TMSB15B: variants seen among roughly 807,000 people sequenced by gnomAD.
The protein encoded by TMSB15B is thymosin beta-15B.
At chrX:103,928,906 C>T (rs1301808278) in intron 1 of TMSB15B, 30 of 1,203,762 alleles carry the variant, frequency 2.5e-5, no homozygotes, top group African/African-American at 2.4e-4. Context: ...CCTGATCTAC[C>T]GTGGAGGCTC....
intron 1 of TMSB15B, among the ~76,000 whole-genome samples, chrX:103,925,849 C>A (rs568496823): frequency 5.4e-5 from 6 of 111,935 alleles, no homozygotes; most frequent in Admixed American, 2.8e-4. Flanking sequence ...AACATTATTG[C>A]GCTCTGAGGT....
In TMSB15B at chrX:103,950,494, C is replaced by A. The variant is rs782544381; in HGVS notation, c.-720-11527C>A. 2.6e-3 allele frequency among the ~76,000 whole-genome samples: 283 copies of A among 109,925 alleles called. 1 individual carries two copies. Among genetic ancestry groups the A allele is most frequent in the Non-Finnish European group, 4.5e-3 (235 of 52,722 alleles). ...TAGTCTTAGACAGGAACACTGGTTC[C>A]AACGAAGCCTTATATTGTGTATAGA... On this transcript the variant is annotated intron_variant, in intron 1 of 3. Coordinates refer to the TMSB15B transcript ENST00000419165.
chrX:103,920,234 A>G (rs2074948185), intron 1 of TMSB15B, among the ~76,000 whole-genome samples: 1 of 112,062 alleles, frequency 8.9e-6, no homozygotes, highest in Non-Finnish European at 1.9e-5. Flanking sequence ...GAATCTCTGA[A>G]TCCAGAACTC....
At chrX:103,920,998 C>G (rs2074950868) in intron 1 of TMSB15B, among the ~76,000 whole-genome samples, 1 of 112,406 alleles carries the variant, frequency 8.9e-6, no homozygotes, top group South Asian at 3.7e-4. Context: ...GGGGCCTGTT[C>G]TTGACTCCTG....
At chrX:103,952,883 T>C (rs1383800119) in intron 1 of TMSB15B, among the ~76,000 whole-genome samples, 2 of 111,521 alleles carry the variant, frequency 1.8e-5, no homozygotes, top group African/African-American at 6.5e-5. Flanking sequence ...TTCGCTGTGC[T>C]CAGAAGTCAC....
At chrX:103,926,799 T>G (rs1556318900) in intron 1 of TMSB15B, among the ~76,000 whole-genome samples, 1 of 109,875 alleles carries the variant, frequency 9.1e-6, no homozygotes, top group African/African-American at 3.3e-5. Context: ...GTGGGAAACC[T>G]GTGGGTCTGC....
chrX:103,935,843 G>GTTTT (rs1165751386), intron 1 of TMSB15B, among the ~76,000 whole-genome samples: 11 of 80,171 alleles, frequency 1.4e-4, no homozygotes, highest in African/African-American at 2.8e-4. Flanking sequence ...CATAGGAGTT[G>GTTTT]TTTTTTTTTT....
At chrX:103,954,818 C>T (rs1405479360) in intron 1 of TMSB15B, among the ~76,000 whole-genome samples, 14 of 111,802 alleles carry the variant, frequency 1.3e-4, no homozygotes, top group African/African-American at 4.6e-4. Flanking sequence ...CCAGCAGTGG[C>T]CCCCTGCTCC....
At chrX:103,951,081 C>G (rs1258508848) in intron 1 of TMSB15B, among the ~76,000 whole-genome samples, 30 of 112,097 alleles carry the variant, frequency 2.7e-4, no homozygotes, top group Admixed American at 1.2e-3. Flanking sequence ...CTCCCTGTGT[C>G]TTCACATGGC....
At chrX:103,927,801 C>T (rs782715687) in intron 1 of TMSB15B, among the ~76,000 whole-genome samples, 7 of 110,251 alleles carry the variant, frequency 6.3e-5, no homozygotes, top group Admixed American at 1.9e-4. Context: ...TCAAGTAATC[C>T]TTCTTTGAAT....
intron 1 of TMSB15B, among the ~76,000 whole-genome samples, chrX:103,952,620 G>A (rs145037528): frequency 1.1e-3 from 121 of 111,516 alleles, no homozygotes; most frequent in African/African-American, 3.8e-3. Flanking sequence ...GAGGGGACGT[G>A]GACACAACCT....
chrX:103,930,376 C>T (rs1415365270), intron 1 of TMSB15B, among the ~76,000 whole-genome samples: 1 of 111,343 alleles, frequency 9.0e-6, no homozygotes. Context: ...CTGTGATGCC[C>T]CTTTCTAACA....
At chrX:103,950,732 T>A (rs1398240771) in intron 1 of TMSB15B, among the ~76,000 whole-genome samples, 1 of 110,276 alleles carries the variant, frequency 9.1e-6, no homozygotes, top group Non-Finnish European at 1.9e-5. Flanking sequence ...AGTGTACATA[T>A]GATGAATATT....
At chrX:103,936,955 A>T (rs782765686) in intron 1 of TMSB15B, among the ~76,000 whole-genome samples, 1 of 111,544 alleles carries the variant, frequency 9.0e-6, no homozygotes, top group Non-Finnish European at 1.9e-5. Context: ...TGTTTATGTG[A>T]TGGTTCTGTT....
intron 1 of TMSB15B, among the ~76,000 whole-genome samples, chrX:103,953,161 G>T (rs2075042991): frequency 9.0e-6 from 1 of 111,134 alleles, no homozygotes; most frequent in African/African-American, 3.3e-5. Context: ...GAGTGAATGT[G>T]TGGTCCTGGG....
intron 1 of TMSB15B, chrX:103,931,030 A>T (rs1213115541): frequency 5.4e-5 from 6 of 111,613 alleles, no homozygotes; most frequent in African/African-American, 2.0e-4. Flanking sequence ...TAGTTCTAGC[A>T]GTGAGAACTT....
chrX:103,922,561 A>T, intron 1 of TMSB15B, among the ~76,000 whole-genome samples: 1 of 110,729 alleles, frequency 9.0e-6, no homozygotes, highest in Non-Finnish European at 1.9e-5. Context: ...GCTTCATACT[A>T]TTCCATGGTG....
At chrX:103,935,843 G>GTTTTTT (rs1165751386) in intron 1 of TMSB15B, among the ~76,000 whole-genome samples, 13 of 80,166 alleles carry the variant, frequency 1.6e-4, no homozygotes, top group South Asian at 6.3e-4. Context: ...CATAGGAGTT[G>GTTTTTT]TTTTTTTTTT....
chrX:103,922,111 T>C (rs1296019057), intron 1 of TMSB15B, among the ~76,000 whole-genome samples: 1 of 108,198 alleles, frequency 9.2e-6, no homozygotes, highest in Non-Finnish European at 1.9e-5. Context: ...AGACGGAGTC[T>C]CCCACTGTCA....
Sources: allele counts gnomAD v4.1 joint callset (sites outside exome capture counted in the v4.1 genomes callset), GRCh38; gene constraint gnomAD v4.1.1; transcripts MANE v1.5; gene names NCBI Gene and HGNC (gene_info 2026-07-23, HGNC 2026-07-21).